SUGCT: variants seen among roughly 807,000 people sequenced by gnomAD.
SUGCT encodes succinyl-CoA:glutarate CoA-transferase.
In SUGCT, 41 loss-of-function variants were observed where a neutral mutation model predicts 55.0. The ratio of observed to expected loss-of-function variants is 0.74; its 90% CI spans 0.58 to 0.97. The LOEUF is 0.97. Among genes scored for constraint, SUGCT ranks in the 50% least tolerant of loss-of-function variants. The pLI, the probability that SUGCT is intolerant of heterozygous loss-of-function variation, is 0.00. For synonymous variants in SUGCT, 187 were observed against 200.4 expected (o/e 0.93, Z 0.56); for missense variants, 568 against 547.8 (o/e 1.04, Z -0.37).
the SUGCT span, among the ~76,000 whole-genome samples, chr7:40,982,133 C>T: frequency 7.6e-6 from 1 of 131,478 alleles, no homozygotes; most frequent in Non-Finnish European, 1.8e-5. Context: ...ACCTTTTCAA[C>T]GTATATAAAG....
intron 12 of SUGCT, among the ~76,000 whole-genome samples, chr7:40,548,779 A>C (rs908775372): frequency 5.3e-5 from 8 of 152,180 alleles, no homozygotes; most frequent in Non-Finnish European, 7.4e-5. Context: ...CATATCCATC[A>C]GTGTATTATC....
intron 12 of SUGCT, among the ~76,000 whole-genome samples, chr7:40,620,591 C>T (rs1022269938): frequency 6.6e-6 from 1 of 151,950 alleles, no homozygotes; most frequent in South Asian, 2.1e-4. Flanking sequence ...TTAGTAGAGA[C>T]GAGGTTTTGC....
At chr7:40,180,266 A>G (rs1785121962) in intron 1 of SUGCT, among the ~76,000 whole-genome samples, 1 of 151,540 alleles carries the variant, frequency 6.6e-6, no homozygotes, top group Admixed American at 6.6e-5. Flanking sequence ...TTACATGCAC[A>G]TCCCACAGTG....
chr7:40,677,447 A>G (rs1040996861), intron 12 of SUGCT, among the ~76,000 whole-genome samples: 1 of 152,162 alleles, frequency 6.6e-6, no homozygotes, highest in Non-Finnish European at 1.5e-5. Context: ...TCATTCCACA[A>G]TCCTCTGCTG....
chr7:40,713,748 A>G (rs181469918), intron 12 of SUGCT, among the ~76,000 whole-genome samples: 1 of 152,218 alleles, frequency 6.6e-6, no homozygotes, highest in East Asian at 1.9e-4. Context: ...TTTGTCTGGG[A>G]ATTATCAGTT....
At chr7:40,330,246 A>C (rs1008977120) in intron 9 of SUGCT, among the ~76,000 whole-genome samples, 1 of 152,262 alleles carries the variant, frequency 6.6e-6, no homozygotes, top group African/African-American at 2.4e-5. Flanking sequence ...GGGAAGTTTT[A>C]TAAAGAAGAT....
chr7:40,852,922 G>C (rs780182662), intron 13 of SUGCT, among the ~76,000 whole-genome samples: 5 of 151,998 alleles, frequency 3.3e-5, no homozygotes, highest in Admixed American at 2.0e-4. Flanking sequence ...CAGAGCATTG[G>C]GTTTAATAAG....
At chr7:40,505,922 A>G (rs1792565644) in intron 12 of SUGCT, among the ~76,000 whole-genome samples, 1 of 151,976 alleles carries the variant, frequency 6.6e-6, no homozygotes, top group Non-Finnish European at 1.5e-5. Context: ...ACTCACAATG[A>G]TTGTGTAATT....
chr7:40,306,381 T>C (rs1346751249), intron 8 of SUGCT, among the ~76,000 whole-genome samples: 1 of 152,240 alleles, frequency 6.6e-6, no homozygotes, highest in Non-Finnish European at 1.5e-5. Context: ...ATGTCTCTTG[T>C]AGCATTGATC....
At chr7:40,618,397 C>A (rs901791345) in intron 12 of SUGCT, among the ~76,000 whole-genome samples, 5 of 152,174 alleles carry the variant, frequency 3.3e-5, no homozygotes, top group Non-Finnish European at 7.3e-5. Flanking sequence ...TAAGTCAGAA[C>A]CTAACCAGAC....
At chr7:40,597,848 C>T (rs1251129812) in intron 12 of SUGCT, among the ~76,000 whole-genome samples, 3 of 152,242 alleles carry the variant, frequency 2.0e-5, no homozygotes, top group Middle Eastern at 3.4e-3. Flanking sequence ...GTTGCTGTTC[C>T]TGTAACATAA....
intron 11 of SUGCT, among the ~76,000 whole-genome samples, chr7:40,464,469 G>A (rs757562205): frequency 1.3e-5 from 2 of 151,940 alleles, no homozygotes; most frequent in Non-Finnish European, 2.9e-5. Context: ...GAATTAGGCA[G>A]GTAAAGAAAA....
Position 40,276,262 on chromosome 7 carries a change from A to T in SUGCT, c.720+1606A>T, listed in dbSNP as rs534396010. 2.0e-5 allele frequency among the ~76,000 whole-genome samples: 3 copies of T among 152,300 alleles called. No individual in the cohort carries two copies. The East Asian group carries it at 5.8e-4, about 29-fold the overall frequency. Reference sequence around the variant, plus strand: ...TAATAGAGAACTACAGATGTTAGTTATGGGAGGGTGCAGAAAGTCTTTTCT... The same window carrying T: ...TAATAGAGAACTACAGATGTTAGTTTTGGGAGGGTGCAGAAAGTCTTTTCT... On this transcript the variant is annotated intron_variant, in intron 8 of 13. Coordinates refer to ENST00000335693, the MANE Select transcript of SUGCT (RefSeq NM_001193313.2).
At chr7:40,376,882 CATT>C (rs1340930618) in intron 9 of SUGCT, among the ~76,000 whole-genome samples, 2 of 151,614 alleles carry the variant, frequency 1.3e-5, no homozygotes, top group Non-Finnish European at 2.9e-5. Context: ...CTGAAAATGT[CATT>C]ATTTTATTTG....
intron 9 of SUGCT, among the ~76,000 whole-genome samples, chr7:40,339,135 T>G (rs1796897779): frequency 6.6e-6 from 1 of 152,144 alleles, no homozygotes; most frequent in Admixed American, 6.5e-5. Flanking sequence ...TACCCAGCCG[T>G]GTGAGGTGTC....
At chr7:41,028,756 C>T in the SUGCT span, among the ~76,000 whole-genome samples, 1 of 152,182 alleles carries the variant, frequency 6.6e-6, no homozygotes, top group Non-Finnish European at 1.5e-5. Flanking sequence ...CTTGGCAGAA[C>T]CTAAATGATT....
At chr7:40,140,831 C>T (rs545014297) in intron 1 of SUGCT, among the ~76,000 whole-genome samples, 3 of 152,228 alleles carry the variant, frequency 2.0e-5, no homozygotes, top group Admixed American at 6.5e-5. Context: ...TTTGGCTATT[C>T]GGGCTCATTT....
intron 13 of SUGCT, among the ~76,000 whole-genome samples, chr7:40,841,378 T>C (rs1793273424): frequency 6.6e-6 from 1 of 152,168 alleles, no homozygotes; most frequent in African/African-American, 2.4e-5. Flanking sequence ...TAATTTTGAA[T>C]ATATGATCAT....
At chr7:40,525,207 C>T (rs1392598665) in intron 12 of SUGCT, among the ~76,000 whole-genome samples, 1 of 152,148 alleles carries the variant, frequency 6.6e-6, no homozygotes, top group Non-Finnish European at 1.5e-5. Context: ...CATTTTGCAT[C>T]AATCACTGTT....
Sources: allele counts gnomAD v4.1 joint callset (sites outside exome capture counted in the v4.1 genomes callset), GRCh38; gene constraint gnomAD v4.1.1; transcripts MANE v1.5; gene names NCBI Gene and HGNC (gene_info 2026-07-23, HGNC 2026-07-21).